The following SUPT3H variants were observed in gnomAD, a reference collection of about 807,000 sequenced individuals.
SUPT3H encodes SPT3 homolog, SAGA and STAGA complex component.
Under a neutral mutation model 44.3 loss-of-function variants are expected in SUPT3H, and 44 were observed. The observed-to-expected ratio is 0.99, with a 90% CI of 0.78 to 1.28. The LOEUF is 1.28. Among genes scored for constraint, SUPT3H ranks in the 50% most tolerant of loss-of-function variants. The pLI is 0.00. For missense variants in SUPT3H, 380 were observed against 387.1 expected, an observed-to-expected ratio of 0.98 and a Z score of 0.15; for synonymous variants, 124 against 125.6, an observed-to-expected ratio of 0.99 and a Z score of 0.09.
At chr6:44,938,329 G>T (rs1771832818) in intron 9 of SUPT3H, among the ~76,000 whole-genome samples, 2 of 152,154 alleles carry the variant, frequency 1.3e-5, no homozygotes, top group South Asian at 4.1e-4. Flanking sequence ...TCTGAAGAGG[G>T]TGTCCTTTCC....
At chr6:45,301,769 T>C (rs1309554651) in intron 2 of SUPT3H, among the ~76,000 whole-genome samples, 2 of 152,150 alleles carry the variant, frequency 1.3e-5, no homozygotes, top group African/African-American at 2.4e-5. Context: ...AATTTGAAAA[T>C]AGTTTGTTGA....
chr6:45,179,915 G>A (rs1176834341), intron 2 of SUPT3H, among the ~76,000 whole-genome samples: 1 of 152,120 alleles, frequency 6.6e-6, no homozygotes, highest in East Asian at 1.9e-4. Flanking sequence ...TAGGAAAAGA[G>A]GAAGTCAAAT....
intron 2 of SUPT3H, among the ~76,000 whole-genome samples, chr6:45,138,704 A>G (rs1402114971): frequency 6.6e-6 from 1 of 152,200 alleles, no homozygotes; most frequent in Non-Finnish European, 1.5e-5. Flanking sequence ...AGGAGTAGTT[A>G]TAAGAATAGA....
chr6:44,915,284 A>T (rs1180326783), intron 10 of SUPT3H, among the ~76,000 whole-genome samples: 6 of 152,256 alleles, frequency 3.9e-5, no homozygotes, highest in Admixed American at 3.9e-4. Context: ...TGTAACTATC[A>T]GATGCTAAGA....
intron 1 of SUPT3H, among the ~76,000 whole-genome samples, chr6:45,374,202 A>T (rs1214223714): frequency 6.6e-6 from 1 of 152,202 alleles, no homozygotes; most frequent in Non-Finnish European, 1.5e-5. Flanking sequence ...AAAGGGCAAA[A>T]GCTAGGTTTA....
At chr6:45,339,912 A>G (rs985854875) in intron 2 of SUPT3H, among the ~76,000 whole-genome samples, 1 of 152,166 alleles carries the variant, frequency 6.6e-6, no homozygotes, top group Non-Finnish European at 1.5e-5. Flanking sequence ...TAAGCCATTT[A>G]TAAACATTAT....
At chr6:44,868,091 T>C (rs1158713477) in intron 10 of SUPT3H, among the ~76,000 whole-genome samples, 1 of 152,198 alleles carries the variant, frequency 6.6e-6, no homozygotes, top group African/African-American at 2.4e-5. Flanking sequence ...TGCCAAGTTC[T>C]TTTCCCGTTA....
At chr6:45,114,127 T>C (rs980281469) in intron 2 of SUPT3H, among the ~76,000 whole-genome samples, 1 of 151,950 alleles carries the variant, frequency 6.6e-6, no homozygotes, top group Non-Finnish European at 1.5e-5. Context: ...ATGTTTAAAA[T>C]AAAAGATAAA....
intron 3 of SUPT3H, among the ~76,000 whole-genome samples, chr6:45,082,419 T>C (rs1215012379): frequency 6.6e-6 from 1 of 152,094 alleles, no homozygotes; most frequent in African/African-American, 2.4e-5. Flanking sequence ...GCAAACCAAG[T>C]CCAGCAGCAC....
At chr6:45,117,131 A>C (rs1800964046) in intron 2 of SUPT3H, among the ~76,000 whole-genome samples, 1 of 152,110 alleles carries the variant, frequency 6.6e-6, no homozygotes, top group South Asian at 2.1e-4. Context: ...AAAGTTATAA[A>C]ACTTTTAGTA....
intron 10 of SUPT3H, among the ~76,000 whole-genome samples, chr6:44,864,755 A>C (rs1775220428): frequency 6.6e-6 from 1 of 152,148 alleles, no homozygotes; most frequent in Non-Finnish European, 1.5e-5. Context: ...CCACAAAAAA[A>C]ACACTCTTTT....
intron 6 of SUPT3H, among the ~76,000 whole-genome samples, chr6:44,997,340 T>C (rs1781402003): frequency 6.6e-6 from 1 of 151,872 alleles, no homozygotes; most frequent in Non-Finnish European, 1.5e-5. Flanking sequence ...CTCAGTACAT[T>C]ATTAAAAATG....
Position 45,327,393 on chromosome 6 carries a change from CTATT to C in SUPT3H, c.101+37804_101+37807del, listed in dbSNP as rs1786536331. Among the ~76,000 whole-genome samples the C allele has an allele frequency of 2.6e-5, 4 of 151,948 alleles. No homozygotes were observed. In the South Asian group the frequency reaches 8.3e-4, roughly 31 times the overall value. ...TATAGAAGATCTGCTATCAGAAACT[CTATT>C]AATGTCTAAACTACTTAAAGAACTA... On this transcript the variant is annotated intron_variant, in intron 2 of 10. Transcript: ENST00000371459.
intron 2 of SUPT3H, among the ~76,000 whole-genome samples, chr6:45,169,697 C>T (rs537211240): frequency 6.6e-6 from 1 of 152,268 alleles, no homozygotes; most frequent in East Asian, 1.9e-4. Context: ...TCTGCAATAG[C>T]TCCTTGATGA....
intron 10 of SUPT3H, among the ~76,000 whole-genome samples, chr6:44,870,296 C>A (rs2153429572): frequency 6.6e-6 from 1 of 152,206 alleles, no homozygotes; most frequent in Middle Eastern, 3.4e-3. Flanking sequence ...GCATAGTATG[C>A]TTAAGATTTG....
At chr6:45,372,850 C>G (rs1796276985) in intron 1 of SUPT3H, among the ~76,000 whole-genome samples, 1 of 152,024 alleles carries the variant, frequency 6.6e-6, no homozygotes, top group South Asian at 2.1e-4. Context: ...TGGAGTTTTG[C>G]TCTGTCACCC....
At chr6:45,369,779 A>C (rs1049168736) in intron 1 of SUPT3H, among the ~76,000 whole-genome samples, 5 of 152,218 alleles carry the variant, frequency 3.3e-5, no homozygotes, top group African/African-American at 1.2e-4. Context: ...GCAAGAGACA[A>C]GCACATAAAC....
chr6:44,925,903 C>A (rs3799984), intron 10 of SUPT3H, among the ~76,000 whole-genome samples: 1 of 151,876 alleles, frequency 6.6e-6, no homozygotes, highest in Admixed American at 6.6e-5. Context: ...ATTCTTCAAA[C>A]AAATGCCAAT....
At chr6:45,344,713 G>A (rs1424143731) in intron 2 of SUPT3H, among the ~76,000 whole-genome samples, 1 of 152,016 alleles carries the variant, frequency 6.6e-6, no homozygotes, top group Non-Finnish European at 1.5e-5. Flanking sequence ...GGCTAGGAAA[G>A]CCTAGAGAAA....
Sources: gnomAD v4.1 joint callset for allele counts (sites outside exome capture counted in the v4.1 genomes callset) on GRCh38, gnomAD v4.1.1 for gene constraint, MANE v1.5 for transcripts, NCBI Gene and HGNC (gene_info 2026-07-23, HGNC 2026-07-21) for gene names.